Variants in WWP2 observed in about 807,000 individuals in gnomAD.
The protein encoded by WWP2 is NEDD4-like E3 ubiquitin-protein ligase WWP2.
WWP2 carries 57 observed loss-of-function variants against 121.0 expected under a neutral mutation model. The ratio of observed to expected loss-of-function variants is 0.47; its 90% CI spans 0.38 to 0.59. The LOEUF (loss-of-function observed/expected upper bound fraction) is 0.59. Ranked by LOEUF, WWP2 falls within the 20% of genes least tolerant of loss-of-function variation. The pLI, the probability that WWP2 is intolerant of heterozygous loss-of-function variation, is 0.00. For synonymous variants in WWP2, 449 were observed against 441.3 expected (o/e 1.02, Z -0.22); for missense variants, 962 against 1,158.9 (o/e 0.83, Z 2.47).
chr16:69,847,692 G>T (rs753914076), intron 6 of WWP2, among the ~76,000 whole-genome samples: 29 of 151,980 alleles, frequency 1.9e-4, no homozygotes, highest in Non-Finnish European at 2.9e-4. Flanking sequence ...ACAGCTGTGA[G>T]CCACCGCGCC....
At chr16:69,934,899 G>A (rs775062910) in intron 17 of WWP2, among the ~76,000 whole-genome samples, 2 of 152,176 alleles carry the variant, frequency 1.3e-5, no homozygotes, top group East Asian at 1.9e-4. Flanking sequence ...GGGCGCTGCC[G>A]TTCACGCCAC....
At chr16:69,807,198 G>A (rs1385072532) in intron 4 of WWP2, among the ~76,000 whole-genome samples, 1 of 151,758 alleles carries the variant, frequency 6.6e-6, no homozygotes, top group Non-Finnish European at 1.5e-5. Flanking sequence ...ACCATGCCCG[G>A]CTAATTTTGT....
intron 6 of WWP2, among the ~76,000 whole-genome samples, chr16:69,869,296 C>G (rs2057587236): frequency 6.6e-6 from 1 of 151,438 alleles, no homozygotes; most frequent in African/African-American, 2.4e-5. Flanking sequence ...CATTGCCATG[C>G]AGTGTTTAGG....
At chr16:69,789,724 G>T (rs2055868760) in intron 2 of WWP2, among the ~76,000 whole-genome samples, 1 of 152,188 alleles carries the variant, frequency 6.6e-6, no homozygotes, top group African/African-American at 2.4e-5. Context: ...ATCTTTACCA[G>T]CACAATGTTG....
At chr16:69,911,741 C>A (rs2058381855) in intron 9 of WWP2, among the ~76,000 whole-genome samples, 1 of 152,134 alleles carries the variant, frequency 6.6e-6, no homozygotes, top group Non-Finnish European at 1.5e-5. Flanking sequence ...TATTTCTATT[C>A]TTCCTGAAAA....
At chr16:69,828,265 G>T (rs183901982) in intron 4 of WWP2, among the ~76,000 whole-genome samples, 1 of 152,118 alleles carries the variant, frequency 6.6e-6, no homozygotes, top group Admixed American at 6.5e-5. Context: ...ATGCTTAGAG[G>T]CTCCCCTTTC....
intron 16 of WWP2, among the ~76,000 whole-genome samples, chr16:69,932,414 A>T (rs10048088): frequency 1.3e-5 from 2 of 152,238 alleles, no homozygotes; most frequent in African/African-American, 4.8e-5. Flanking sequence ...GGGGTGCCCC[A>T]CTGGGCTGGA....
At chr16:69,768,958 G>C (rs1567652845) in intron 1 of WWP2, among the ~76,000 whole-genome samples, 1 of 152,178 alleles carries the variant, frequency 6.6e-6, no homozygotes, top group Non-Finnish European at 1.5e-5. Flanking sequence ...ATTAGTGTTG[G>C]AGTAGCATGA....
In WWP2 at chr16:69,799,109, A is replaced by T; in HGVS notation, c.219-65A>T. The T allele has an allele frequency of 1.9e-6, 3 of 1,555,898 alleles. No homozygotes were observed. The highest frequency in any genetic ancestry group is 2.6e-6 in the Non-Finnish European group (3 of 1,152,308). ...CCAAGATGTCAGCAGTTTAGTTTAA[A>T]TGTTTTCTTCTAAGTTATAGGAATG... On this transcript the variant is annotated intron_variant, in intron 3 of 23. Coordinates refer to ENST00000359154, the MANE Select transcript of WWP2 (RefSeq NM_001270454.2). This position sits in a 1 kb window ranked among gnomAD's most constrained non-coding sequence, Gnocchi z 4.5.
intron 1 of WWP2, among the ~76,000 whole-genome samples, chr16:69,765,961 C>A (rs2038719527): frequency 6.6e-6 from 1 of 152,172 alleles, no homozygotes; most frequent in South Asian, 2.1e-4. Context: ...TTGCACCTGG[C>A]TCAGTCTCTT....
chr16:69,937,496 A>G lies in WWP2; in HGVS notation c.2239-52A>G. 6.3e-7 allele frequency: 1 copy of G among 1,586,640 alleles called. No homozygotes were observed. Among genetic ancestry groups the G allele is most frequent in the East Asian group, 2.2e-5 (1 of 44,752 alleles). On this transcript the variant is annotated intron_variant, in intron 20 of 23. Coordinates refer to ENST00000359154, the MANE Select transcript of WWP2 (RefSeq NM_001270454.2). This position sits in a 1 kb window ranked among gnomAD's most constrained non-coding sequence, Gnocchi z 6.6. ...GGTAATGTCAAGTGCTAGCGAGTGGACGATGCGCGGGGAGGGACCTGCCGG... is the reference window on the plus strand; with the variant it reads ...GGTAATGTCAAGTGCTAGCGAGTGGGCGATGCGCGGGGAGGGACCTGCCGG...
rs138691725 is a variant in WWP2 at position 69,781,547 on chromosome 16, C to T, written c.-15-5449C>T. ...TTTTTTTTGGAGAGATGGAGTTTGA[C>T]CATGTTGCCCAGGCTGGTCTTGAAC... On this transcript the variant is annotated intron_variant, in intron 1 of 23. Coordinates refer to ENST00000359154, the MANE Select transcript of WWP2 (RefSeq NM_001270454.2). Among the ~76,000 whole-genome samples the T allele has an allele frequency of 2.0e-5, 3 of 151,904 alleles. No homozygotes were observed. In the East Asian group the frequency reaches 5.9e-4, roughly 30 times the overall value.
Position 69,917,734 on chromosome 16 carries a change from G to C in WWP2, c.1030G>C (p.Gly344Arg), listed in dbSNP as rs1452919157. Reference protein sequence around the residue: ...PGWEKRTDPRGRFYYVDHNTR... With the variant: ...PGWEKRTDPRRRFYYVDHNTR... ...CTGGGAAAAACGCACAGATCCCCGA[G>C]GCAGGTTTTACTATGTGGATCACAA... The change falls in exon 10 of 24, where the codon GGC becomes CGC. Residue 344 changes from glycine (G) to arginine (R), a missense_variant. Gly to Arg is a moderately radical substitution (Grantham distance 125). Transcript: ENST00000359154. 6.2e-7 allele frequency: 1 copy of C among 1,605,412 alleles called. No homozygotes were observed. Among genetic ancestry groups the C allele is most frequent in the Non-Finnish European group, 8.5e-7 (1 of 1,172,518 alleles).
At chr16:69,777,736 A>T (rs1337785632) in intron 1 of WWP2, among the ~76,000 whole-genome samples, 1 of 151,602 alleles carries the variant, frequency 6.6e-6, no homozygotes, top group Admixed American at 6.6e-5. Context: ...CAGAGGAAAT[A>T]TGTTGTTTGT....
intron 4 of WWP2, among the ~76,000 whole-genome samples, chr16:69,826,300 G>C (rs560542780): frequency 1.3e-5 from 2 of 151,310 alleles, no homozygotes; most frequent in African/African-American, 4.8e-5. Flanking sequence ...AGGCGCAGTG[G>C]CTTATGCCTG....
chr16:69,911,949 C>T lies in WWP2; in HGVS notation c.1004+3099C>T, dbSNP rs140933501. ...GCCGGCTGATGTGCACCATGGGGCT[C>T]TGGAAAGCCTCAGCGATTAGAGGCA... On this transcript the variant is annotated intron_variant, in intron 9 of 23. Transcript: ENST00000359154. 4.0e-3 allele frequency among the ~76,000 whole-genome samples: 616 copies of T among 152,152 alleles called. 8 individuals are homozygous for T. Among genetic ancestry groups the T allele is most frequent in the African/African-American group, 0.014 (577 of 41,524 alleles).
chr16:69,848,909 T>C (rs978126231), intron 6 of WWP2, among the ~76,000 whole-genome samples: 4 of 152,198 alleles, frequency 2.6e-5, no homozygotes, highest in Non-Finnish European at 5.9e-5. Context: ...TGGAAAAGTT[T>C]CAGAGCCTCT....
chr16:69,908,112 A>G (rs1249812584), intron 8 of WWP2, among the ~76,000 whole-genome samples: 1 of 152,046 alleles, frequency 6.6e-6, no homozygotes, highest in African/African-American at 2.4e-5. Context: ...GGGCATCGTA[A>G]TGTGTGCCTG....
chr16:69,772,188 C>T (rs894543434), intron 1 of WWP2, among the ~76,000 whole-genome samples: 4 of 151,800 alleles, frequency 2.6e-5, no homozygotes, highest in African/African-American at 9.7e-5. Context: ...CTCGAACTCC[C>T]GAACTTGGGT....
Sources: allele counts gnomAD v4.1 joint callset (sites outside exome capture counted in the v4.1 genomes callset), GRCh38; gene constraint gnomAD v4.1.1; non-coding constraint Gnocchi (gnomAD v3.1); transcripts MANE v1.5; gene names NCBI Gene and HGNC (gene_info 2026-07-23, HGNC 2026-07-21).